SLC12A5: variants seen among roughly 807,000 people sequenced by gnomAD.
SLC12A5 encodes K-Cl cotransporter 2.
In SLC12A5, 18 loss-of-function variants were observed where a neutral mutation model predicts 124.0. The observed-to-expected ratio is 0.15, with a 90% CI of 0.10 to 0.22. SLC12A5 has a LOEUF of 0.22. SLC12A5 is among the 10% of genes least tolerant of loss of function. SLC12A5 has a pLI of 1.00. For synonymous variants in SLC12A5, 589 were observed against 568.0 expected, an observed-to-expected ratio of 1.04 and a Z score of -0.53; for missense variants, 867 against 1,478.7, an observed-to-expected ratio of 0.59 and a Z score of 6.78.
chr20:46,027,486 CAGGGATATGAATGGCTCTTT>C (rs2084410070), upstream of SLC12A5, among the ~76,000 whole-genome samples: 1 of 152,208 alleles, frequency 6.6e-6, no homozygotes, highest in Admixed American at 6.5e-5. Context: ...CCCCGGTCTC[CAGGGATATGAATGGCTCTTT>C]AGGATTTTTG....
At chr20:46,032,462 G>A (rs1447831098) in intron 1 of SLC12A5, among the ~76,000 whole-genome samples, 2 of 152,240 alleles carry the variant, frequency 1.3e-5, no homozygotes, top group Non-Finnish European at 2.9e-5. Flanking sequence ...ATGTGGGATG[G>A]GGAGCCCCGG....
At chr20:46,028,705 C>T (rs1437552310), upstream of SLC12A5, among the ~76,000 whole-genome samples, 1 of 152,160 alleles carries the variant, frequency 6.6e-6, no homozygotes, top group African/African-American at 2.4e-5. Context: ...TCAGGGCTGG[C>T]CTCTCCAGTC....
At chr20:46,041,633 T>C (rs1458426429) in intron 8 of SLC12A5, 93 bp downstream of exon 8, 2 of 1,342,104 alleles carry the variant, frequency 1.5e-6, no homozygotes, top group Non-Finnish European at 2.1e-6. Flanking sequence ...GGGATTCAGC[T>C]AAATTCAATC....
chr20:46,042,765 T>C (rs2084559240), intron 8 of SLC12A5, among the ~76,000 whole-genome samples: 1 of 151,770 alleles, frequency 6.6e-6, no homozygotes, highest in East Asian at 1.9e-4. Flanking sequence ...GAGGGAGCAG[T>C]GTAGGGCAGG....
chr20:46,026,319 G>A (rs2084398141), upstream of SLC12A5, among the ~76,000 whole-genome samples: 1 of 152,166 alleles, frequency 6.6e-6, no homozygotes, highest in Non-Finnish European at 1.5e-5. Context: ...GCTTTAGTGA[G>A]AGGGTTTCTC....
chr20:46,056,441 A>G lies in SLC12A5; in HGVS notation c.2987A>G (p.Glu996Gly). 1 of 1,613,932 alleles carries G rather than the reference A, an allele frequency of 6.2e-7. No homozygotes were observed. The change falls in exon 23 of 26, where the codon GAA (glutamate) becomes GGA (glycine). Residue 996 changes from glutamate (E) to glycine (G), a missense_variant. Physicochemically the swap from Glu to Gly is moderately conservative, Grantham distance 98. Coordinates refer to ENST00000243964, the MANE Select transcript of SLC12A5 (RefSeq NM_020708.5). The surrounding 1 kb of genome is among the most constrained non-coding windows in gnomAD (Gnocchi z 4.3). ...SPSPGEEPEGEGETDPEKVHL... is the reference protein window; with the variant it reads ...SPSPGEEPEGGGETDPEKVHL... ...TCCCCAGGGGAGGAGCCTGAGGGGG[A>G]AGGGGAGACAGATCCGGAGAAGGTG...
At position 46,059,215 on chromosome 20, in the gene SLC12A5, A is replaced by G; in HGVS notation, c.*1610A>G. On this transcript the variant is annotated 3_prime_UTR_variant, in exon 26 of 26. Transcript: ENST00000243964. ...CCCTGACCTGCGCACCTAGCTTGAC[A>G]TCTCACGCACCTCCCAGAGCTGGCG... 1 of 239,062 alleles carries G rather than the reference A, an allele frequency of 4.2e-6. No homozygotes were observed. The highest frequency in any genetic ancestry group is 8.0e-6 in the Non-Finnish European group (1 of 125,526). 14.8% of individuals were successfully genotyped at this position (239,062 alleles called of 1,614,324 possible). A position where few individuals can be genotyped will look rare whatever the true frequency, so the allele number is the denominator to read the frequency against.
At chr20:46,040,193 C>T (rs892125865) in intron 6 of SLC12A5, among the ~76,000 whole-genome samples, 180 bp from the exon 7 acceptor site, 1 of 152,216 alleles carries the variant, frequency 6.6e-6, no homozygotes, top group Non-Finnish European at 1.5e-5. Context: ...TAAATGGCTG[C>T]ATCATAGTCC....
In SLC12A5 at chr20:46,041,002, G is replaced by T. The variant is rs571477941; in HGVS notation, c.855-327G>T. 3 of 397,846 alleles carry T rather than the reference G, an allele frequency of 7.5e-6. No homozygotes were observed. The East Asian group carries it at 1.7e-4, about 22-fold the overall frequency. 24.6% of individuals were successfully genotyped at this position (397,846 alleles called of 1,614,324 possible). On this transcript the variant is annotated intron_variant, in intron 7 of 25. Coordinates refer to ENST00000243964, the MANE Select transcript of SLC12A5 (RefSeq NM_020708.5). ...CTCCAGGATGGGAAAAGACACAGAA[G>T]TCTACAGGGTCCAGGGACTCAGATC...
chr20:46,051,596 G>C, intron 17 of SLC12A5, 79 bp from the exon 18 acceptor site: 1 of 1,338,378 alleles, frequency 7.5e-7, no homozygotes, highest in Non-Finnish European at 1.0e-6. Flanking sequence ...GGGAGAGATG[G>C]GAGGGAAGGA....
chr20:46,032,842 C>A (rs1311810104), intron 1 of SLC12A5, among the ~76,000 whole-genome samples: 1 of 152,224 alleles, frequency 6.6e-6, no homozygotes, highest in Non-Finnish European at 1.5e-5. Context: ...CTTGTTTCTC[C>A]TGTTCTCTGG....
At position 46,057,784 on chromosome 20, in the gene SLC12A5, C is replaced by CAACA; in HGVS notation, c.*179_*180insAACA. On this transcript the variant is annotated 3_prime_UTR_variant, in exon 26 of 26. Transcript: ENST00000243964. The surrounding 1 kb of genome is among the most constrained non-coding windows in gnomAD (Gnocchi z 7.1). The stretch of plus-strand genomic sequence containing the variant: ...TGGGGCTGATTCGGAGAGGGCGCCC[C>CAACA]GCCGCGCAGAGACCAGAGCTCCTCA... 1.8e-6 allele frequency: 1 copy of CAACA among 569,822 alleles called. No individual in the cohort carries two copies. The allele number at this position is 569,822 out of a possible 1,614,324, so 35.3% of individuals were successfully genotyped here.
At chr20:46,048,219 C>T in intron 16 of SLC12A5, 134 bp downstream of exon 16, 1 of 696,006 alleles carries the variant, frequency 1.4e-6, no homozygotes, top group Non-Finnish European at 2.3e-6. Flanking sequence ...AAAAGCCCAG[C>T]CTTGTCTGAT....
chr20:46,025,085 C>T (rs2084386059), upstream of SLC12A5, among the ~76,000 whole-genome samples: 1 of 152,130 alleles, frequency 6.6e-6, no homozygotes, highest in South Asian at 2.1e-4. Context: ...CACTTCTTCC[C>T]CTCTCTGGGC....
chr20:46,043,435 G>A (rs139700529), intron 9 of SLC12A5, 112 bp downstream of exon 9: 279 of 1,376,882 alleles, frequency 2.0e-4, no homozygotes, highest in Admixed American at 5.0e-4. Context: ...GAAAGCAACC[G>A]TAACATTTCA....
chr20:46,046,373 C>T lies in SLC12A5; in HGVS notation c.1724C>T (p.Ala575Val). ...FLMCYMFVNL[A>V]CAVQTLLRTP... ...ATGTGCTACATGTTTGTGAATCTGG[C>T]CTGTGCAGTGCAGACGCTGCTGAGG... Residue 575 changes from alanine to valine, a missense_variant, in exon 14 of 26, where the codon GCC becomes GTC. This residue lies in a region of SLC12A5 where 152 missense variants were observed against 358.7 expected (regional missense o/e 0.42). Transcript: ENST00000243964. 2 of 1,614,142 alleles carry T rather than the reference C, an allele frequency of 1.2e-6. No homozygotes were observed. Among genetic ancestry groups the T allele is most frequent in the Non-Finnish European group, 1.7e-6 (2 of 1,180,018 alleles).
upstream of SLC12A5, among the ~76,000 whole-genome samples, chr20:46,025,906 G>A (rs531834940): frequency 6.6e-6 from 1 of 152,294 alleles, no homozygotes; most frequent in South Asian, 2.1e-4. Context: ...ATGCAGTGGA[G>A]ATGCGGAGGG....
intron 8 of SLC12A5, 81 bp downstream of exon 8, chr20:46,041,621 T>C: frequency 3.5e-6 from 5 of 1,446,496 alleles, no homozygotes; most frequent in Non-Finnish European, 4.8e-6. Context: ...GGGGCCCTCC[T>C]TGGGATTCAG....
intron 16 of SLC12A5, 124 bp from the exon 17 acceptor site, chr20:46,049,498 G>A (rs1600602112): frequency 1.7e-6 from 2 of 1,211,584 alleles, no homozygotes; most frequent in Admixed American, 2.1e-5. Context: ...GGTGGTGAGG[G>A]GTATAGGTGG....
Sources: allele counts gnomAD v4.1 joint callset (sites outside exome capture counted in the v4.1 genomes callset), GRCh38; gene constraint gnomAD v4.1.1; regional missense constraint gnomAD v4.1.1; non-coding constraint Gnocchi (gnomAD v3.1); transcripts MANE v1.5; gene names NCBI Gene and HGNC (gene_info 2026-07-23, HGNC 2026-07-21).